REEP1: variants seen among roughly 807,000 people sequenced by gnomAD.
The protein encoded by REEP1 is receptor expression-enhancing protein 1.
Under a neutral mutation model 40.3 loss-of-function variants are expected in REEP1, and 22 were observed. The observed-to-expected ratio is 0.55, with a 90% CI of 0.39 to 0.78. The LOEUF (loss-of-function observed/expected upper bound fraction) is 0.78, where lower values mean the gene tolerates loss of function less well. Ranked by LOEUF, REEP1 falls within the 30% of genes least tolerant of loss-of-function variation. The pLI, the probability that REEP1 is intolerant of heterozygous loss-of-function variation, is 0.00. For synonymous variants in REEP1, 116 were observed against 139.2 expected (o/e 0.83, Z 1.17); for missense variants, 280 against 361.1 (o/e 0.78, Z 1.82).
chr2:86,324,438 G>C (rs1023983837), intron 1 of REEP1, among the ~76,000 whole-genome samples: 2 of 152,162 alleles, frequency 1.3e-5, no homozygotes, highest in African/African-American at 2.4e-5. Flanking sequence ...AATCCATAAA[G>C]AGATTACACT....
intron 1 of REEP1, among the ~76,000 whole-genome samples, chr2:86,322,303 G>C (rs1680302035): frequency 6.6e-6 from 1 of 152,090 alleles, no homozygotes; most frequent in Non-Finnish European, 1.5e-5. Context: ...CAGCACTTTG[G>C]GAGGCCGAGG....
intron 2 of REEP1, among the ~76,000 whole-genome samples, chr2:86,276,017 T>G (rs1677737028): frequency 6.6e-6 from 1 of 152,206 alleles, no homozygotes; most frequent in African/African-American, 2.4e-5. Flanking sequence ...AGTGACCAAG[T>G]GCATGAGATG....
chr2:86,320,389 A>G (rs531457451), intron 1 of REEP1, among the ~76,000 whole-genome samples: 1 of 152,338 alleles, frequency 6.6e-6, no homozygotes, highest in African/African-American at 2.4e-5. Flanking sequence ...TCTTCCCTGG[A>G]GGAATTCACC....
chr2:86,295,983 C>T (rs1286479558), intron 1 of REEP1, among the ~76,000 whole-genome samples: 1 of 152,122 alleles, frequency 6.6e-6, no homozygotes, highest in Non-Finnish European at 1.5e-5. Flanking sequence ...AATTCCAAGA[C>T]AATAACAGAA....
At chr2:86,264,874 T>C (rs1010015454) in intron 2 of REEP1, among the ~76,000 whole-genome samples, 1 of 152,220 alleles carries the variant, frequency 6.6e-6, no homozygotes, top group Non-Finnish European at 1.5e-5. Flanking sequence ...ACTGGGTTAG[T>C]ACAAGTCAGT....
intron 2 of REEP1, among the ~76,000 whole-genome samples, chr2:86,273,245 C>T (rs1457646820): frequency 6.6e-6 from 1 of 150,610 alleles, no homozygotes; most frequent in Non-Finnish European, 1.5e-5. Flanking sequence ...AAATTCCTTA[C>T]ATTGGCTTAT....
At chr2:86,243,474 T>C (rs1675778343) in intron 5 of REEP1, among the ~76,000 whole-genome samples, 2 of 152,186 alleles carry the variant, frequency 1.3e-5, no homozygotes, top group South Asian at 4.1e-4. Context: ...GCCAACTCCG[T>C]GTGAATTCCT....
intron 6 of REEP1, among the ~76,000 whole-genome samples, chr2:86,229,980 C>G (rs958692321): frequency 6.6e-6 from 1 of 152,174 alleles, no homozygotes; most frequent in Non-Finnish European, 1.5e-5. Context: ...CTACACTGTC[C>G]TTGGCCTCCC....
At chr2:86,282,268 A>C in intron 1 of REEP1, 26 bp from the exon 2 acceptor site, 3 of 1,490,894 alleles carry the variant, frequency 2.0e-6, no homozygotes, top group Non-Finnish European at 2.8e-6. Context: ...ACAAAAATAA[A>C]TACGATTTTT....
intron 6 of REEP1, among the ~76,000 whole-genome samples, chr2:86,229,119 T>C (rs1674876082): frequency 6.6e-6 from 1 of 152,192 alleles, no homozygotes; most frequent in Non-Finnish European, 1.5e-5. Context: ...AATTCTCTGG[T>C]TTGCTCTCCT....
At chr2:86,264,655 A>G (rs1677047757) in intron 2 of REEP1, among the ~76,000 whole-genome samples, 1 of 152,202 alleles carries the variant, frequency 6.6e-6, no homozygotes, top group African/African-American at 2.4e-5. Context: ...AAAATATCCC[A>G]GCCTGCAGAA....
intron 2 of REEP1, among the ~76,000 whole-genome samples, chr2:86,268,850 A>G (rs935543633): frequency 6.6e-6 from 1 of 152,228 alleles, no homozygotes; most frequent in Non-Finnish European, 1.5e-5. Context: ...ATCCTTGACA[A>G]AGGAGCAAAA....
At chr2:86,256,818 G>A (rs1283785606) in intron 3 of REEP1, among the ~76,000 whole-genome samples, 2 of 152,140 alleles carry the variant, frequency 1.3e-5, no homozygotes, top group Non-Finnish European at 2.9e-5. Flanking sequence ...CTGATGCTAT[G>A]AGATGAGACA....
At chr2:86,239,127 A>G (rs746525906) in intron 5 of REEP1, among the ~76,000 whole-genome samples, 2 of 147,804 alleles carry the variant, frequency 1.4e-5, no homozygotes, top group Non-Finnish European at 3.0e-5. Context: ...AGTAACACCC[A>G]CAGCACTCAC....
rs6734431 is a variant in REEP1 at position 86,282,092 on chromosome 2, A to G, written c.105+78T>C. 0.013 allele frequency: 12,093 copies of G among 944,456 alleles called. 615 individuals carry two copies. The African/African-American group carries it at 0.13, about 10-fold the overall frequency. The allele number at this position is 944,456 out of a possible 1,614,324, so 58.5% of individuals were successfully genotyped here. ...CCTGCTTCCAGTGCCCATAGCACGG[A>G]GGGCATCCCCTTCTCCCAACATTTC... On this transcript the variant is annotated intron_variant, in intron 2 of 8. Coordinates refer to ENST00000538924, the MANE Select transcript of REEP1 (RefSeq NM_001371279.1).
chr2:86,261,268 C>G (rs1676838725), intron 3 of REEP1, among the ~76,000 whole-genome samples: 1 of 152,184 alleles, frequency 6.6e-6, no homozygotes, highest in Admixed American at 6.5e-5. Context: ...GGCCTCTACT[C>G]TCATCTTTGT....
intron 1 of REEP1, among the ~76,000 whole-genome samples, chr2:86,319,380 T>C (rs959103615): frequency 5.3e-5 from 8 of 152,226 alleles, no homozygotes; most frequent in African/African-American, 1.2e-4. Flanking sequence ...AAAAGATATG[T>C]TGAAGTCCTA....
At chr2:86,310,288 C>T (rs550771511) in intron 1 of REEP1, among the ~76,000 whole-genome samples, 1 of 152,172 alleles carries the variant, frequency 6.6e-6, no homozygotes, top group African/African-American at 2.4e-5. Flanking sequence ...CAACAGTGGC[C>T]CCATAATTAT....
chr2:86,220,576 C>T (rs757755241), intron 7 of REEP1, among the ~76,000 whole-genome samples: 7 of 152,142 alleles, frequency 4.6e-5, no homozygotes, highest in Non-Finnish European at 8.8e-5. Flanking sequence ...CTATGTTGTA[C>T]ATACAAGCCA....
Sources: gnomAD v4.1 joint callset for allele counts (sites outside exome capture counted in the v4.1 genomes callset) on GRCh38, gnomAD v4.1.1 for gene constraint, MANE v1.5 for transcripts, NCBI Gene and HGNC (gene_info 2026-07-23, HGNC 2026-07-21) for gene names.